The following PHC1 variants were observed in gnomAD, a reference collection of about 807,000 sequenced individuals.
PHC1 encodes polyhomeotic-like protein 1.
In PHC1, 12 loss-of-function variants were observed where a neutral mutation model predicts 104.3. The observed-to-expected ratio is 0.12, with a 90% CI of 0.07 to 0.19. The LOEUF is 0.19. Among genes scored for constraint, PHC1 ranks in the 10% least tolerant of loss-of-function variants. The probability of loss-of-function intolerance (pLI) is 1.00; values close to 1 mark genes in which losing one functional copy is unlikely to be tolerated. For synonymous variants in PHC1, 302 were observed against 455.8 expected (o/e 0.66, Z 4.30); for missense variants, 671 against 1,200.0 (o/e 0.56, Z 6.51).
Position 8,919,759 on chromosome 12 carries a change from C to G in PHC1, c.118C>G (p.Leu40Val). The G allele has an allele frequency of 6.2e-7, 1 of 1,612,098 alleles. No homozygotes were observed. Among genetic ancestry groups the G allele is most frequent in the Non-Finnish European group, 8.5e-7 (1 of 1,179,490 alleles). Residue 40 changes from leucine to valine, a missense_variant, in exon 3 of 15, where the codon CTG (leucine) becomes GTG (valine). Coordinates refer to ENST00000544916, the MANE Select transcript of PHC1 (RefSeq NM_004426.3). This position sits in a 1 kb window ranked among gnomAD's most constrained non-coding sequence, Gnocchi z 4.9. ...GTTTTATCCTCTCTTTTCCTAGGCT[C>G]TGCAAGCACTGCAGCGGCAGCCCAA... ...SLYERQAVQA[L>V]QALQRQPNAA... is the part of the protein sequence containing the mutation.
chr12:8,937,449 A>C (rs1327027032), intron 13 of PHC1, 123 bp downstream of exon 13: 4 of 887,222 alleles, frequency 4.5e-6, no homozygotes, highest in Admixed American at 6.0e-5. Context: ...CATTGATTGC[A>C]TTACTACAAA....
At chr12:8,934,599 C>T in intron 10 of PHC1, 121 bp downstream of exon 10, 1 of 635,406 alleles carries the variant, frequency 1.6e-6, no homozygotes, top group Non-Finnish European at 2.7e-6. Context: ...TTCAATTACG[C>T]TATTTATTTA....
chr12:8,938,207 T>G (rs986637103), intron 14 of PHC1, 147 bp downstream of exon 14: 7 of 608,466 alleles, frequency 1.2e-5, no homozygotes, highest in East Asian at 5.5e-5. Context: ...TCAAGTTGAC[T>G]TCCTAATTTT....
intron 6 of PHC1, 139 bp from the exon 7 acceptor site, chr12:8,930,296 A>T: frequency 7.7e-7 from 1 of 1,302,146 alleles, no homozygotes; most frequent in Non-Finnish European, 1.0e-6. Context: ...GGAAGGCCTT[A>T]AAGTATATGG....
intron 6 of PHC1, among the ~76,000 whole-genome samples, chr12:8,929,484 CT>C (rs1302109717): frequency 6.6e-6 from 1 of 151,244 alleles, no homozygotes; most frequent in African/African-American, 2.4e-5. Context: ...AAAATACAGT[CT>C]TTTTAGAAAT....
At position 8,937,699 on chromosome 12, in the gene PHC1, A is replaced by G. The variant is rs1945878720; in HGVS notation, c.2629-130A>G. 4.5e-6 allele frequency: 3 copies of G among 674,010 alleles called. No homozygotes were observed. The Admixed American group carries it at 8.6e-5, about 19-fold the overall frequency. The allele number at this position is 674,010 out of a possible 1,614,324, so 41.8% of individuals were successfully genotyped here. ...GAGTAGATTTTGGGAATTTGCAAAT[A>G]AAGTGCTGCTTATTTCACATATGAT... On this transcript the variant is annotated intron_variant, in intron 13 of 14. Transcript: ENST00000544916.
At chr12:8,926,259 G>A (rs1187062436) in intron 6 of PHC1, among the ~76,000 whole-genome samples, 1 of 149,026 alleles carries the variant, frequency 6.7e-6, no homozygotes, top group African/African-American at 2.4e-5. Context: ...GAGAGTAGTA[G>A]GCATATAGAT....
chr12:8,927,879 T>A (rs1279585081), intron 6 of PHC1, among the ~76,000 whole-genome samples: 2 of 106,460 alleles, frequency 1.9e-5, no homozygotes, highest in African/African-American at 8.5e-5. Context: ...CTTTCTTTCT[T>A]TCTTTCTTTC....
intron 1 of PHC1, among the ~76,000 whole-genome samples, chr12:8,915,479 C>CT (rs1945175566): frequency 1.3e-5 from 2 of 152,016 alleles, no homozygotes. Flanking sequence ...TTCTCCAACT[C>CT]TCGGCCCAAT....
In PHC1 at chr12:8,919,827, C is replaced by T; in HGVS notation, c.186C>T (p.Leu62=). 1 of 1,609,056 alleles carries T rather than the reference C, an allele frequency of 6.2e-7. No individual in the cohort carries two copies. The highest frequency in any genetic ancestry group is 8.5e-7 in the Non-Finnish European group (1 of 1,177,618). Residue 62 remains leucine (L), a synonymous_variant, in exon 3 of 15, where the codon CTC becomes CTT. Coordinates refer to ENST00000544916, the MANE Select transcript of PHC1 (RefSeq NM_004426.3). The surrounding 1 kb of genome is among the most constrained non-coding windows in gnomAD (Gnocchi z 4.9). The part of the protein sequence containing the change: ...YFHQFMLQQQ[L]SNAQLHSLAA... ...ACCAGTTCATGCTCCAGCAGCAGCT[C>T]AGTAATGCCCAGCTGCATAGCCTGG... is the stretch of plus-strand genomic sequence containing the variant.
At chr12:8,915,529 T>G (rs918177729) in intron 1 of PHC1, among the ~76,000 whole-genome samples, 1 of 152,104 alleles carries the variant, frequency 6.6e-6, no homozygotes, top group Non-Finnish European at 1.5e-5. Context: ...CTCCCTTCGG[T>G]AGGTCTGTGC....
intron 14 of PHC1, 90 bp from the exon 15 acceptor site, chr12:8,939,215 T>G: frequency 6.8e-7 from 1 of 1,474,892 alleles, no homozygotes; most frequent in South Asian, 1.2e-5. Context: ...ACAGGTACTT[T>G]GGAATTAATC....
intron 2 of PHC1, among the ~76,000 whole-genome samples, chr12:8,918,446 C>T (rs1304322223): frequency 6.6e-6 from 1 of 152,040 alleles, no homozygotes; most frequent in Non-Finnish European, 1.5e-5. Flanking sequence ...GGCTGTATTA[C>T]CTTTACTGTA....
chr12:8,927,394 A>T (rs778486983), intron 6 of PHC1, among the ~76,000 whole-genome samples: 3 of 152,280 alleles, frequency 2.0e-5, no homozygotes, highest in African/African-American at 7.2e-5. Context: ...TGAGGGAGCC[A>T]GTGGAGAAGA....
Position 8,919,927 on chromosome 12 carries a change from G to A in PHC1, c.225+61G>A. ...GGGACAGGCACTACAGGTGGGTAGG[G>A]GAGATTTTTTGGGCATATAGCATCC... On this transcript the variant is annotated intron_variant, in intron 3 of 14. Transcript: ENST00000544916. The surrounding 1 kb of genome is among the most constrained non-coding windows in gnomAD (Gnocchi z 4.9). 2 of 1,566,380 alleles carry A rather than the reference G, an allele frequency of 1.3e-6. No individual in the cohort carries two copies. Among genetic ancestry groups the A allele is most frequent in the Non-Finnish European group, 1.7e-6 (2 of 1,153,840 alleles).
intron 6 of PHC1, among the ~76,000 whole-genome samples, chr12:8,926,871 C>G (rs922631656): frequency 6.6e-6 from 1 of 151,998 alleles, no homozygotes; most frequent in Non-Finnish European, 1.5e-5. Flanking sequence ...GCCGAGATCG[C>G]GCCGTTGTAC....
chr12:8,928,783 G>T (rs139896068), intron 6 of PHC1, among the ~76,000 whole-genome samples: 167 of 152,224 alleles, frequency 1.1e-3, no homozygotes, highest in Non-Finnish European at 2.0e-3. Context: ...AATGTGTAAG[G>T]TACTCGTGCT....
chr12:8,915,869 A>G (rs1945186162), intron 1 of PHC1: 1 of 154,356 alleles, frequency 6.5e-6, no homozygotes, highest in Admixed American at 6.5e-5. Flanking sequence ...TATTAATCAG[A>G]ATTCAGGTTT....
intron 6 of PHC1, among the ~76,000 whole-genome samples, chr12:8,925,388 C>A (rs1013349632): frequency 1.3e-5 from 2 of 152,102 alleles, no homozygotes; most frequent in Non-Finnish European, 2.9e-5. Context: ...GCTCACAGAC[C>A]ATTGAAACAC....
Sources: allele counts gnomAD v4.1 joint callset (sites outside exome capture counted in the v4.1 genomes callset), GRCh38; gene constraint gnomAD v4.1.1; non-coding constraint Gnocchi (gnomAD v3.1); transcripts MANE v1.5; gene names NCBI Gene and HGNC (gene_info 2026-07-23, HGNC 2026-07-21).